Variants in RAC1 observed in about 807,000 individuals in gnomAD.
The protein encoded by RAC1 is ras-related C3 botulinum toxin substrate 1.
Under a neutral mutation model 25.2 loss-of-function variants are expected in RAC1, and 2 were observed. That is an observed-to-expected ratio of 0.08 (90% CI 0.03 to 0.25). RAC1 has a LOEUF of 0.25. Among genes scored for constraint, RAC1 ranks in the 10% least tolerant of loss-of-function variants. The pLI is 1.00. For missense variants in RAC1, 50 were observed against 235.7 expected (o/e 0.21, Z 5.16); for synonymous variants, 88 against 94.0 (o/e 0.94, Z 0.37).
At chr7:6,398,729 C>T (rs1162586801) in intron 3 of RAC1, 2 of 1,612,426 alleles carry the variant, frequency 1.2e-6, no homozygotes, top group South Asian at 2.2e-5. Flanking sequence ...GTATGTAAAA[C>T]TTTCAGTCCA....
chr7:6,380,890 G>A (rs1480255220), intron 1 of RAC1, among the ~76,000 whole-genome samples: 2 of 152,072 alleles, frequency 1.3e-5, no homozygotes, highest in Admixed American at 6.6e-5. Context: ...TCTTTTTGAG[G>A]TGGAGTCTTG....
At chr7:6,398,693 C>G in intron 3 of RAC1, 2 of 1,613,862 alleles carry the variant, frequency 1.2e-6, no homozygotes, top group South Asian at 2.2e-5. Flanking sequence ...GATATAACCT[C>G]CCGGGGCAAA....
chr7:6,398,743 C>A (rs772297538), intron 3 of RAC1: 2 of 1,604,400 alleles, frequency 1.2e-6, no homozygotes, highest in South Asian at 2.2e-5. Context: ...CAGTCCACTT[C>A]AGTTTCAAGC....
intron 3 of RAC1, among the ~76,000 whole-genome samples, chr7:6,392,408 G>C (rs1226944579): frequency 2.6e-5 from 4 of 152,170 alleles, no homozygotes; most frequent in African/African-American, 4.8e-5. Context: ...TTAAGATTCA[G>C]GTTTCTTTAA....
At chr7:6,386,766 G>A (rs35955719) in intron 1 of RAC1, among the ~76,000 whole-genome samples, 1,672 of 148,628 alleles carry the variant, frequency 0.011, 34 homozygotes, top group African/African-American at 0.039. Flanking sequence ...TCCAGCTGGG[G>A]CGACAGCACG....
intron 1 of RAC1, among the ~76,000 whole-genome samples, chr7:6,378,712 TC>T (rs892298334): frequency 2.1e-4 from 32 of 152,272 alleles, no homozygotes; most frequent in African/African-American, 7.0e-4. Context: ...AATTTTTTTT[TC>T]CTCCACCTTA....
At position 6,401,791 on chromosome 7, in the gene RAC1, C is replaced by T. The variant is rs758205863; in HGVS notation, c.289-77C>T. ...GAGGTTAGGTGTCTGGCATGAGTGC[C>T]GCCGGCTGGGTGTGATTTAGGTGAA... On this transcript the variant is annotated intron_variant, in intron 4 of 5. Coordinates refer to ENST00000348035, the MANE Select transcript of RAC1 (RefSeq NM_006908.5). 1.1e-3 allele frequency: 1,634 copies of T among 1,500,684 alleles called. 1 individual carries two copies. Among genetic ancestry groups the T allele is most frequent in the Non-Finnish European group, 1.4e-3 (1,519 of 1,108,436 alleles). 93.0% of individuals were successfully genotyped at this position (1,500,684 alleles called of 1,614,324 possible).
rs1265654864 is a variant in RAC1 at position 6,403,071 on chromosome 7, A to G, written c.*625A>G. On this transcript the variant is annotated 3_prime_UTR_variant, in exon 6 of 6. Coordinates refer to ENST00000348035, the MANE Select transcript of RAC1 (RefSeq NM_006908.5). ...AGTTTTCTGACCAGCTTTTGCGGAGATTTTGAACAGAACTGCTATTTCCTC... is the reference window on the plus strand; with the variant it reads ...AGTTTTCTGACCAGCTTTTGCGGAGGTTTTGAACAGAACTGCTATTTCCTC... The G allele has an allele frequency of 5.0e-6, 1 of 201,908 alleles. No individual in the cohort carries two copies. Among genetic ancestry groups the G allele is most frequent in the Admixed American group, 6.0e-5 (1 of 16,562 alleles). 12.5% of individuals were successfully genotyped at this position (201,908 alleles called of 1,614,324 possible).
chr7:6,402,130 G>T, intron 5 of RAC1, 103 bp downstream of exon 5: 1 of 1,460,320 alleles, frequency 6.8e-7, no homozygotes, highest in Non-Finnish European at 9.3e-7. Flanking sequence ...CCCACTCAGG[G>T]CCTGGTGTAC....
intron 3 of RAC1, 53 bp downstream of exon 3, chr7:6,392,094 G>A: frequency 1.9e-6 from 3 of 1,609,288 alleles, no homozygotes; most frequent in Non-Finnish European, 2.6e-6. Context: ...TAATTCTCGA[G>A]CGCTTAATTA....
chr7:6,398,175 A>G (rs1006581964), intron 3 of RAC1, among the ~76,000 whole-genome samples: 1 of 151,768 alleles, frequency 6.6e-6, no homozygotes, highest in African/African-American at 2.4e-5. Context: ...TGGCAGCATT[A>G]AAACCCTGAG....
chr7:6,395,583 G>A (rs1404142866), intron 3 of RAC1, among the ~76,000 whole-genome samples: 2 of 152,194 alleles, frequency 1.3e-5, no homozygotes, highest in African/African-American at 2.4e-5. Flanking sequence ...ACTTAGAAAC[G>A]ATTATGAGTT....
At chr7:6,392,166 C>G (rs1333547047) in intron 3 of RAC1, 125 bp downstream of exon 3, 3 of 1,518,650 alleles carry the variant, frequency 2.0e-6, no homozygotes, top group Non-Finnish European at 2.7e-6. Context: ...AAATAGCAAA[C>G]AGGGTGGGAT....
At chr7:6,390,160 C>CT (rs1218249447) in intron 2 of RAC1, among the ~76,000 whole-genome samples, 1 of 125,046 alleles carries the variant, frequency 8.0e-6, no homozygotes, top group African/African-American at 3.1e-5. Flanking sequence ...ACTTGAAGTA[C>CT]TGGTCCTTCC....
intron 2 of RAC1, among the ~76,000 whole-genome samples, chr7:6,391,117 C>T (rs1434607069): frequency 6.6e-6 from 1 of 152,144 alleles, no homozygotes; most frequent in Non-Finnish European, 1.5e-5. Context: ...AGGCTGGTCT[C>T]GAACTCTTGA....
chr7:6,395,134 T>G (rs1340431343), intron 3 of RAC1, among the ~76,000 whole-genome samples: 1 of 151,912 alleles, frequency 6.6e-6, no homozygotes, highest in African/African-American at 2.4e-5. Flanking sequence ...GATTACAAAT[T>G]TTGTATTTTT....
Position 6,402,427 on chromosome 7 carries a change from G to A in RAC1, c.560G>A (p.Arg187Lys), listed in dbSNP as rs1361526158. The change falls in exon 6 of 6, where the codon AGA (arginine) becomes AAA (lysine). Residue 187 changes from arginine (R) to lysine (K), a missense_variant. Transcript: ENST00000348035. ...CCGCCTCCCGTGAAGAAGAGGAAGA[G>A]AAAATGCCTGCTGTTGTAAATGTCT... ...LCPPPVKKRK[R>K]KCLLL 6.7e-7 allele frequency: 1 copy of A among 1,499,994 alleles called. No homozygotes were observed. Among genetic ancestry groups the A allele is most frequent in the Non-Finnish European group, 9.0e-7 (1 of 1,114,702 alleles). The allele number at this position is 1,499,994 out of a possible 1,614,324, so 92.9% of individuals were successfully genotyped here.
At chr7:6,386,199 A>T (rs908597715) in intron 1 of RAC1, among the ~76,000 whole-genome samples, 8 of 152,128 alleles carry the variant, frequency 5.3e-5, no homozygotes, top group African/African-American at 1.9e-4. Flanking sequence ...ATCGTCTCTG[A>T]GCTGTTAATT....
intron 1 of RAC1, among the ~76,000 whole-genome samples, chr7:6,377,474 G>T (rs966026606): frequency 6.6e-6 from 1 of 152,032 alleles, no homozygotes; most frequent in African/African-American, 2.4e-5. Flanking sequence ...TGTGCCTGTA[G>T]TCCCAGCTAC....
Sources: allele counts gnomAD v4.1 joint callset (sites outside exome capture counted in the v4.1 genomes callset), GRCh38; gene constraint gnomAD v4.1.1; transcripts MANE v1.5; gene names NCBI Gene and HGNC (gene_info 2026-07-23, HGNC 2026-07-21).